Variants in NXPE2 observed in about 807,000 individuals in gnomAD.
NXPE2 encodes NXPE family member 2.
In NXPE2, 34 loss-of-function variants were observed where a neutral mutation model predicts 34.4. The ratio of observed to expected loss-of-function variants is 0.99; its 90% confidence interval spans 0.75 to 1.31. The LOEUF (loss-of-function observed/expected upper bound fraction) is 1.31. Among genes scored for constraint, NXPE2 ranks in the 40% most tolerant of loss-of-function variants. The pLI is 0.00. For synonymous variants in NXPE2, 235 were observed against 231.3 expected (o/e 1.02, Z -0.15); for missense variants, 649 against 672.5 (o/e 0.97, Z 0.39).
chr11:114,584,166 T>C, the NXPE2 span: 2 of 307,736 alleles, frequency 6.5e-6, no homozygotes, highest in East Asian at 1.9e-4. Context: ...GGTTACACCA[T>C]TTATAATGTT....
At chr11:114,617,015 TAAG>T in the NXPE2 span, among the ~76,000 whole-genome samples, 3 of 151,870 alleles carry the variant, frequency 2.0e-5, no homozygotes, top group African/African-American at 7.3e-5. Flanking sequence ...TGGTGGATAA[TAAG>T]TATTTCCTCG....
the NXPE2 span, among the ~76,000 whole-genome samples, chr11:114,626,967 G>GA: frequency 1.3e-5 from 2 of 151,932 alleles, no homozygotes. Flanking sequence ...GAAGTTTAGA[G>GA]AAAAAAGAAT....
At chr11:114,742,044 GT>G in the NXPE2 span, among the ~76,000 whole-genome samples, 1 of 152,006 alleles carries the variant, frequency 6.6e-6, no homozygotes, top group Non-Finnish European at 1.5e-5. Flanking sequence ...CATACCTCTT[GT>G]TCCCTCTTGG....
At chr11:114,732,903 T>A in the NXPE2 span, among the ~76,000 whole-genome samples, 2 of 152,176 alleles carry the variant, frequency 1.3e-5, no homozygotes, top group African/African-American at 4.8e-5. Flanking sequence ...TTGCATAACC[T>A]ACTTTCTTAG....
the NXPE2 span, chr11:114,581,588 T>C: frequency 1.5e-6 from 1 of 680,830 alleles, no homozygotes. Context: ...AGGTAACTGG[T>C]GTCTTGGCCA....
At chr11:114,618,990 G>T in the NXPE2 span, among the ~76,000 whole-genome samples, 3 of 152,026 alleles carry the variant, frequency 2.0e-5, no homozygotes, top group Non-Finnish European at 4.4e-5. Context: ...TGGATAATAG[G>T]TATTGCTTCT....
the NXPE2 span, among the ~76,000 whole-genome samples, chr11:114,563,564 A>G: frequency 1.3e-5 from 2 of 152,168 alleles, no homozygotes; most frequent in African/African-American, 2.4e-5. Context: ...ATTTTCACTA[A>G]CTATGCATCT....
At chr11:114,619,261 C>G in the NXPE2 span, among the ~76,000 whole-genome samples, 7 of 152,084 alleles carry the variant, frequency 4.6e-5, no homozygotes. Context: ...CTTGAGTAAT[C>G]AATGGTACCT....
At chr11:114,743,631 A>G in the NXPE2 span, among the ~76,000 whole-genome samples, 2 of 152,074 alleles carry the variant, frequency 1.3e-5, no homozygotes, top group African/African-American at 2.4e-5. Flanking sequence ...TCAGGCTTAT[A>G]TGGATTGTGT....
chr11:114,504,855 A>C, the NXPE2 span, among the ~76,000 whole-genome samples: 1 of 152,198 alleles, frequency 6.6e-6, no homozygotes, highest in East Asian at 1.9e-4. Context: ...TCATCTCTCT[A>C]GCAAGAGTTT....
At chr11:114,791,673 T>A in the NXPE2 span, among the ~76,000 whole-genome samples, 2 of 152,154 alleles carry the variant, frequency 1.3e-5, no homozygotes, top group South Asian at 4.2e-4. Context: ...GAAGCAAAGA[T>A]GGGAACAGCA....
At chr11:114,505,808 T>C in the NXPE2 span, among the ~76,000 whole-genome samples, 2 of 152,034 alleles carry the variant, frequency 1.3e-5, no homozygotes, top group Non-Finnish European at 2.9e-5. Flanking sequence ...AAAGCTACCA[T>C]ATAAACAAGT....
the NXPE2 span, among the ~76,000 whole-genome samples, chr11:114,536,938 G>T: frequency 6.6e-6 from 1 of 152,156 alleles, no homozygotes; most frequent in Admixed American, 6.5e-5. Context: ...TATGAAGCCA[G>T]CATCATCCTG....
At chr11:114,752,464 A>G in the NXPE2 span, among the ~76,000 whole-genome samples, 1 of 152,240 alleles carries the variant, frequency 6.6e-6, no homozygotes, top group African/African-American at 2.4e-5. Context: ...CTTTATCACT[A>G]TCAACAACAG....
At chr11:114,664,526 C>G in the NXPE2 span, among the ~76,000 whole-genome samples, 45 of 152,294 alleles carry the variant, frequency 3.0e-4, no homozygotes, top group Non-Finnish European at 5.4e-4. Context: ...GACAGAGTGT[C>G]ATTTCCCACA....
At chr11:114,624,086 C>G in the NXPE2 span, among the ~76,000 whole-genome samples, 1 of 151,304 alleles carries the variant, frequency 6.6e-6, no homozygotes. Context: ...CAGTGTTACC[C>G]TCTGGATAAT....
the NXPE2 span, among the ~76,000 whole-genome samples, chr11:114,540,076 C>A: frequency 6.6e-6 from 1 of 152,180 alleles, no homozygotes; most frequent in Non-Finnish European, 1.5e-5. Context: ...CTGCCTCAGC[C>A]GCCTGAATAG....
At chr11:114,575,872 A>G in the NXPE2 span, among the ~76,000 whole-genome samples, 3,204 of 152,270 alleles carry the variant, frequency 0.021, 122 homozygotes, top group African/African-American at 0.073. Context: ...TATGGAACCA[A>G]AAAAGAGCCC....
the NXPE2 span, among the ~76,000 whole-genome samples, chr11:114,740,564 A>G: frequency 6.6e-6 from 1 of 152,172 alleles, no homozygotes; most frequent in East Asian, 1.9e-4. Context: ...AAAAATGACT[A>G]TACCAATTTA....
Sources: gnomAD v4.1 joint callset for allele counts (sites outside exome capture counted in the v4.1 genomes callset) on GRCh38, gnomAD v4.1.1 for gene constraint, MANE v1.5 for transcripts, NCBI Gene and HGNC (gene_info 2026-07-23, HGNC 2026-07-21) for gene names.